The following PKLR variants were observed in gnomAD, a reference collection of about 807,000 sequenced individuals.
The protein encoded by PKLR is pyruvate kinase PKLR.
PKLR carries 38 observed loss-of-function variants against 53.6 expected under a neutral mutation model. The observed-to-expected ratio is 0.71, with a 90% CI of 0.55 to 0.93. The LOEUF (loss-of-function observed/expected upper bound fraction) is 0.93. Ranked by LOEUF, PKLR falls within the 40% of genes least tolerant of loss-of-function variation. PKLR has a pLI of 0.00. For missense variants in PKLR, 702 were observed against 787.3 expected, an observed-to-expected ratio of 0.89 and a Z score of 1.30; for synonymous variants, 328 against 316.2, an observed-to-expected ratio of 1.04 and a Z score of -0.39.
At chr1:155,299,012 TTCTTTC>T (rs1647798973) in intron 2 of PKLR, among the ~76,000 whole-genome samples, 1 of 92,836 alleles carries the variant, frequency 1.1e-5, no homozygotes, top group Non-Finnish European at 2.0e-5. Flanking sequence ...CTTTCTTTCT[TTCTTTC>T]TTTCTTTCTT....
upstream of PKLR, among the ~76,000 whole-genome samples, chr1:155,303,014 T>C (rs950474200): frequency 1.1e-4 from 17 of 152,182 alleles, no homozygotes; most frequent in African/African-American, 4.1e-4. Context: ...GTGTGAGCCA[T>C]AGTACTGGCT....
chr1:155,304,072 T>C (rs1283233752), upstream of PKLR, among the ~76,000 whole-genome samples: 2 of 151,928 alleles, frequency 1.3e-5, no homozygotes, highest in Non-Finnish European at 2.9e-5. Context: ...TCTTGTAATG[T>C]GGTGGGTTTA....
chr1:155,290,532 G>T lies in PKLR; in HGVS notation c.*40C>A. The T allele has an allele frequency of 1.7e-6, 2 of 1,193,076 alleles. No homozygotes were observed. Among genetic ancestry groups the T allele is most frequent in the Non-Finnish European group, 2.5e-6 (2 of 798,956 alleles). The allele number at this position is 1,193,076 out of a possible 1,614,324, so 73.9% of individuals were successfully genotyped here. On this transcript the variant is annotated 3_prime_UTR_variant, in exon 11 of 11. Coordinates refer to ENST00000342741, the MANE Select transcript of PKLR (RefSeq NM_000298.6). Reference sequence around the variant, plus strand: ...AACGTAGACTGGGGAGGAAGGGATGGGGTACAAGGGTAGGCTGGGCCAGAG... The same window carrying T: ...AACGTAGACTGGGGAGGAAGGGATGTGGTACAAGGGTAGGCTGGGCCAGAG...
chr1:155,298,944 A>G (rs973462784), intron 2 of PKLR, among the ~76,000 whole-genome samples: 1 of 149,662 alleles, frequency 6.7e-6, no homozygotes, highest in Non-Finnish European at 1.5e-5. Flanking sequence ...TGCCCGGCCA[A>G]CTTTCACTCC....
chr1:155,304,434 CAAAAAAAAAAA>C (rs61510118), upstream of PKLR, among the ~76,000 whole-genome samples: 4 of 62,220 alleles, frequency 6.4e-5, no homozygotes, highest in African/African-American at 2.6e-4. Flanking sequence ...AACTGCGTCT[CAAAAAAAAAAA>C]AAAAAAAAAA....
intron 1 of PKLR, 84 bp downstream of exon 1, chr1:155,301,212 G>A (rs912359259): frequency 4.0e-6 from 6 of 1,512,216 alleles, no homozygotes; most frequent in Non-Finnish European, 5.5e-6. Flanking sequence ...GGCTGATGTG[G>A]ATCATTTATG....
rs35869567 is a variant in PKLR, at chr1:155,299,491, CTTTTTTTTT to C, written c.283+598_283+606del. On this transcript the variant is annotated intron_variant, in intron 2 of 10. Coordinates refer to ENST00000342741, the MANE Select transcript of PKLR (RefSeq NM_000298.6). ...GGCATGAGCCACTGAGCCCAGCCCA[CTTTTTTTTT>C]TTTTTTTTTTTTTTTTTTTTTGTGA... 4.7e-4 allele frequency among the ~76,000 whole-genome samples: 20 copies of C among 42,762 alleles called. No individual in the cohort carries two copies. In the East Asian group the frequency reaches 6.7e-3, roughly 14 times the overall value. 28.1% of individuals were successfully genotyped at this position (42,762 alleles called of 152,430 possible).
At chr1:155,299,491 C>CTTTTTTTTTTTTTTT (rs35869567) in intron 2 of PKLR, among the ~76,000 whole-genome samples, 13 of 42,758 alleles carry the variant, frequency 3.0e-4, no homozygotes, top group African/African-American at 1.2e-3. Context: ...GCCCAGCCCA[C>CTTTTTTTTTTTTTTT]TTTTTTTTTT....
At chr1:155,300,860 A>G (rs1336942088) in intron 1 of PKLR, 1 of 1,610,286 alleles carries the variant, frequency 6.2e-7, no homozygotes. Flanking sequence ...AGTTCAGAGG[A>G]GCCCCCGATT....
intron 9 of PKLR, among the ~76,000 whole-genome samples, chr1:155,292,780 A>G (rs1474433880): frequency 6.6e-6 from 1 of 152,220 alleles, no homozygotes; most frequent in African/African-American, 2.4e-5. Context: ...TGCCAACCCC[A>G]TGAAGAACAA....
chr1:155,300,846 T>C, intron 1 of PKLR: 1 of 1,608,880 alleles, frequency 6.2e-7, no homozygotes, highest in Non-Finnish European at 8.5e-7. Flanking sequence ...GCTTGACCCA[T>C]CCCAGTTCAG....
In PKLR at chr1:155,293,068, A is replaced by T; in HGVS notation, c.1436+109T>A. 1 of 1,115,290 alleles carries T rather than the reference A, an allele frequency of 9.0e-7. No individual in the cohort carries two copies. Among genetic ancestry groups the T allele is most frequent in the South Asian group, 1.2e-5 (1 of 80,100 alleles). The allele number at this position is 1,115,290 out of a possible 1,614,324, so 69.1% of individuals were successfully genotyped here. On this transcript the variant is annotated intron_variant, in intron 9 of 10. Transcript: ENST00000342741. This position sits in a 1 kb window ranked among gnomAD's most constrained non-coding sequence, Gnocchi z 4.2. ...TCATTGCTGCCTCTCCTCTTGTCTC[A>T]GGTGGACACTCTTCACCCCTGGTGA...
At position 155,300,074 on chromosome 1, in the gene PKLR, C is replaced by T. The variant is rs199627687; in HGVS notation, c.283+24G>A. 1.9e-4 allele frequency: 298 copies of T among 1,606,462 alleles called. 2 individuals are homozygous for T. In the African/African-American group the frequency reaches 3.7e-3, roughly 20 times the overall value. On this transcript the variant is annotated intron_variant, in intron 2 of 10. Transcript: ENST00000342741. ...AGAAATACCAATAGGCCCTGTGTGGCTGCAGGGGGATGGGAGTGCTTACCG... is the reference window on the plus strand; with the variant it reads ...AGAAATACCAATAGGCCCTGTGTGGTTGCAGGGGGATGGGAGTGCTTACCG...
At chr1:155,297,919 T>A (rs1647684921) in intron 2 of PKLR, among the ~76,000 whole-genome samples, 1 of 152,212 alleles carries the variant, frequency 6.6e-6, no homozygotes, top group South Asian at 2.1e-4. Flanking sequence ...CCCTTTGGTC[T>A]CATTTACTCA....
chr1:155,306,116 A>C (rs1648227884), upstream of PKLR, among the ~76,000 whole-genome samples: 1 of 152,200 alleles, frequency 6.6e-6, no homozygotes, highest in African/African-American at 2.4e-5. The surrounding 1 kb of genome is among the most constrained non-coding windows in gnomAD (Gnocchi z 4.2). Context: ...TTTCCTCAGC[A>C]GTCTGGCTGA....
At position 155,290,434 on chromosome 1, in the gene PKLR, C is replaced by T; in HGVS notation, c.*138G>A. ...GATGACAGTTATAGTCTCAGATAGG[C>T]CTCAGGTAGGGAGGGTCAGGAATAG... On this transcript the variant is annotated 3_prime_UTR_variant, in exon 11 of 11. Transcript: ENST00000342741. 1 of 669,600 alleles carries T rather than the reference C, an allele frequency of 1.5e-6. No individual in the cohort carries two copies. The highest frequency in any genetic ancestry group is 1.6e-5 in the South Asian group (1 of 62,108). 41.5% of individuals were successfully genotyped at this position (669,600 alleles called of 1,614,324 possible).
rs1647479101 is a variant in PKLR, at chr1:155,295,047, T to C, written c.694+69A>G. The C allele has an allele frequency of 2.6e-6, 4 of 1,537,296 alleles. No homozygotes were observed. In the South Asian group the frequency reaches 4.5e-5, roughly 17 times the overall value. On this transcript the variant is annotated intron_variant, in intron 5 of 10. Transcript: ENST00000342741. The surrounding 1 kb of genome is among the most constrained non-coding windows in gnomAD (Gnocchi z 4.3). ...AAGGTGTGATCGGTCTGAGGGCTGA[T>C]GGGGGAGCCAAGGAGAAGGGAATGT...
At position 155,293,348 on chromosome 1, in the gene PKLR, A is replaced by C. The variant is rs767981368; in HGVS notation, c.1270-5T>G. 8 of 1,614,114 alleles carry C rather than the reference A, an allele frequency of 5.0e-6. No homozygotes were observed. The highest frequency in any genetic ancestry group is 1.3e-5 in the African/African-American group (1 of 74,940). On this transcript the variant is annotated splice_polypyrimidine_tract_variant and splice_region_variant and intron_variant, in intron 8 of 10. Transcript: ENST00000342741. The surrounding 1 kb of genome is among the most constrained non-coding windows in gnomAD (Gnocchi z 4.2). The stretch of plus-strand genomic sequence containing the variant: ...GGCCTCTGCCTCCCGGGCAATCTGC[A>C]GGTGCCAGAATGTTAGTCTGGGAAG...
chr1:155,291,997 G>T, intron 9 of PKLR, 60 bp from the exon 10 acceptor site: 1 of 1,520,298 alleles, frequency 6.6e-7, no homozygotes, highest in Non-Finnish European at 9.1e-7. Flanking sequence ...GAGGAAAGGA[G>T]AATCTTTGTT....
Sources: allele counts gnomAD v4.1 joint callset (sites outside exome capture counted in the v4.1 genomes callset), GRCh38; gene constraint gnomAD v4.1.1; non-coding constraint Gnocchi (gnomAD v3.1); transcripts MANE v1.5; gene names NCBI Gene and HGNC (gene_info 2026-07-23, HGNC 2026-07-21).